Variants in PLIN5 observed in about 807,000 individuals in gnomAD.
PLIN5 encodes perilipin 5, also known as perilipin-5.
A neutral mutation model predicts 32.8 loss-of-function variants in PLIN5; 34 were observed. That is an observed-to-expected ratio of 1.04 (90% CI 0.79 to 1.38). PLIN5 has a LOEUF of 1.38. Among genes scored for constraint, PLIN5 ranks in the 40% most tolerant of loss-of-function variants. The pLI, the probability that PLIN5 is intolerant of heterozygous loss-of-function variation, is 0.00. For missense variants in PLIN5, 712 were observed against 660.5 expected (o/e 1.08, Z -0.85); for synonymous variants, 309 against 292.9 (o/e 1.05, Z -0.56).
chr19:4,530,235 C>T (rs756405410), intron 3 of PLIN5, among the ~76,000 whole-genome samples: 1 of 152,122 alleles, frequency 6.6e-6, no homozygotes, highest in Non-Finnish European at 1.5e-5. Flanking sequence ...GGGTTGGGCA[C>T]TGCCTCCTCT....
intron 2 of PLIN5, among the ~76,000 whole-genome samples, chr19:4,532,029 G>A (rs1368700270): frequency 1.3e-5 from 2 of 152,216 alleles, no homozygotes; most frequent in East Asian, 1.9e-4. Context: ...TTCCCATGGC[G>A]TACACAGAGC....
intron 7 of PLIN5, 59 bp downstream of exon 7, chr19:4,524,904 C>T (rs1976779889): frequency 1.4e-6 from 2 of 1,434,326 alleles, no homozygotes; most frequent in East Asian, 2.7e-5. Flanking sequence ...CGTCGCTCCC[C>T]CTCTTCCTCC....
chr19:4,533,964 T>G (rs1460807366), intron 2 of PLIN5, 51 bp downstream of exon 2: 1 of 1,584,036 alleles, frequency 6.3e-7, no homozygotes, highest in African/African-American at 1.4e-5. Flanking sequence ...TAGAAGGGAC[T>G]GTCCCACACA....
chr19:4,526,378 C>G (rs190078023), intron 5 of PLIN5, among the ~76,000 whole-genome samples: 2 of 152,098 alleles, frequency 1.3e-5, no homozygotes, highest in African/African-American at 4.8e-5. Flanking sequence ...TGCACCACCA[C>G]ACCCGATTAA....
At chr19:4,527,604 C>T (rs914517623) in intron 5 of PLIN5, among the ~76,000 whole-genome samples, 3 of 145,454 alleles carry the variant, frequency 2.1e-5, no homozygotes, top group African/African-American at 2.5e-5. Flanking sequence ...CGCTTGTAAT[C>T]CCAGCACTTT....
chr19:4,526,054 T>G (rs866471287), intron 5 of PLIN5, among the ~76,000 whole-genome samples: 1 of 152,030 alleles, frequency 6.6e-6, no homozygotes, highest in Non-Finnish European at 1.5e-5. Flanking sequence ...ACAGTTCCCC[T>G]TGACTGACAT....
Position 4,523,941 on chromosome 19 carries a change from G to T in PLIN5, c.979C>A (p.Gln327Lys). The T allele has an allele frequency of 6.5e-7, 1 of 1,529,560 alleles. No individual in the cohort carries two copies. Among genetic ancestry groups the T allele is most frequent in the African/African-American group, 1.4e-5 (1 of 71,378 alleles). 94.7% of individuals were successfully genotyped at this position (1,529,560 alleles called of 1,614,324 possible). ...CAGCGGGCATCAGCGAAGGCGGTCT[G>T]CAGGGCATCCACACTGCGCCGCACC... ...AEVRRSVDAL[Q>K]TAFADARCFR... Residue 327 changes from glutamine to lysine, a missense_variant, in exon 8 of 8, where the codon CAG becomes AAG. Physicochemically the swap from Gln to Lys is moderately conservative, Grantham distance 53 (BLOSUM62 1). Transcript: ENST00000381848. The surrounding 1 kb of genome is among the most constrained non-coding windows in gnomAD (Gnocchi z 5.0).
At chr19:4,533,832 C>T (rs1976915544) in intron 2 of PLIN5, 183 bp downstream of exon 2, 3 of 671,778 alleles carry the variant, frequency 4.5e-6, no homozygotes, top group Non-Finnish European at 7.5e-6. Flanking sequence ...ACTCCCCTCC[C>T]AGGGCCTCAT....
intron 5 of PLIN5, among the ~76,000 whole-genome samples, chr19:4,527,364 G>C (rs1002517741): frequency 6.6e-6 from 1 of 151,108 alleles, no homozygotes; most frequent in African/African-American, 2.4e-5. Flanking sequence ...AAGCCACCGC[G>C]CCCGGCCTAA....
chr19:4,534,113 G>C lies in PLIN5; in HGVS notation c.-21-18C>G, dbSNP rs1248277321. On this transcript the variant is annotated intron_variant, in intron 1 of 7. Coordinates refer to ENST00000381848, the MANE Select transcript of PLIN5 (RefSeq NM_001013706.3). Reference sequence around the variant, plus strand: ...GGGTCACCCTGCGGGGCAGGATTGAGTAAGGGGAGCACCTGCCCAGGCATC... The same window carrying C: ...GGGTCACCCTGCGGGGCAGGATTGACTAAGGGGAGCACCTGCCCAGGCATC... The C allele has an allele frequency of 6.3e-7, 1 of 1,594,158 alleles. No individual in the cohort carries two copies. Among genetic ancestry groups the C allele is most frequent in the South Asian group, 1.1e-5 (1 of 88,366 alleles).
In PLIN5 at chr19:4,524,030, G is replaced by A. The variant is rs922414878; in HGVS notation, c.890C>T (p.Thr297Met). 15 of 1,489,662 alleles carry A rather than the reference G, an allele frequency of 1.0e-5. No individual in the cohort carries two copies. The highest frequency in any genetic ancestry group is 2.0e-4 in the Middle Eastern group (1 of 5,084). 92.3% of individuals were successfully genotyped at this position (1,489,662 alleles called of 1,614,324 possible). A position where few individuals can be genotyped will look rare whatever the true frequency, so the allele number is the denominator to read the frequency against. ...CACGCTGGACTCCAGAGCCTCTACCGTGCCCTGCAGCTCCTGGGTCAGGCT... is the reference window on the plus strand; with the variant it reads ...CACGCTGGACTCCAGAGCCTCTACCATGCCCTGCAGCTCCTGGGTCAGGCT... ...SRSLTQELQG[T>M]VEALESSVRG... Residue 297 changes from threonine to methionine, a missense_variant, in exon 8 of 8, where the codon ACG becomes ATG. Transcript: ENST00000381848.
In PLIN5 at chr19:4,524,836, C is replaced by T. The variant is rs1220336989; in HGVS notation, c.834+127G>A. 4 of 654,974 alleles carry T rather than the reference C, an allele frequency of 6.1e-6. No individual in the cohort carries two copies. In the Admixed American group the frequency reaches 1.1e-4, roughly 18 times the overall value. 40.6% of individuals were successfully genotyped at this position (654,974 alleles called of 1,614,324 possible). A position where few individuals can be genotyped will look rare whatever the true frequency, so the allele number is the denominator to read the frequency against. On this transcript the variant is annotated intron_variant, in intron 7 of 7. Coordinates refer to ENST00000381848, the MANE Select transcript of PLIN5 (RefSeq NM_001013706.3). Reference sequence around the variant, plus strand: ...AGACACCTCAACTAGCTGAGCTCAGCACTTGGTTTGAGATAGCTTGAGTTG... The same window carrying T: ...AGACACCTCAACTAGCTGAGCTCAGTACTTGGTTTGAGATAGCTTGAGTTG...
In PLIN5 at chr19:4,529,593, G is replaced by A. The variant is rs546669571; in HGVS notation, c.339+191C>T. On this transcript the variant is annotated intron_variant, in intron 4 of 7. Transcript: ENST00000381848. Reference sequence around the variant, plus strand: ...GTATATATACATATATACACTATACGTATATACATATATGTATACACACAC... The same window carrying A: ...GTATATATACATATATACACTATACATATATACATATATGTATACACACAC... 1.2e-4 allele frequency: 53 copies of A among 456,868 alleles called. No individual in the cohort carries two copies. The Admixed American group carries it at 1.2e-3, about 10-fold the overall frequency. 28.3% of individuals were successfully genotyped at this position (456,868 alleles called of 1,614,324 possible).
At chr19:4,532,107 G>A (rs918264464) in intron 2 of PLIN5, among the ~76,000 whole-genome samples, 1 of 152,134 alleles carries the variant, frequency 6.6e-6, no homozygotes, top group African/African-American at 2.4e-5. Flanking sequence ...GCACCATCTC[G>A]GCTCACGGCA....
intron 3 of PLIN5, among the ~76,000 whole-genome samples, chr19:4,530,918 T>C (rs1352627282): frequency 1.3e-5 from 2 of 152,016 alleles, no homozygotes; most frequent in Non-Finnish European, 2.9e-5. Context: ...AAGTGAGTGA[T>C]CTGCCTGCCT....
intron 7 of PLIN5, 106 bp from the exon 8 acceptor site, chr19:4,524,191 T>C (rs1025577234): frequency 1.7e-5 from 19 of 1,116,746 alleles, no homozygotes; most frequent in Non-Finnish European, 2.3e-5. Flanking sequence ...ACCTGTCTCA[T>C]AGACCTCATA....
Position 4,525,786 on chromosome 19 carries a change from C to T in PLIN5, c.567G>A (p.Glu189=). 6.2e-7 allele frequency: 1 copy of T among 1,613,362 alleles called. No homozygotes were observed. The highest frequency in any genetic ancestry group is 8.5e-7 in the Non-Finnish European group (1 of 1,179,994). Residue 189 remains glutamate (E), a synonymous_variant, in exon 6 of 8, where the codon GAG becomes GAA. Coordinates refer to ENST00000381848, the MANE Select transcript of PLIN5 (RefSeq NM_001013706.3). The surrounding 1 kb of genome is among the most constrained non-coding windows in gnomAD (Gnocchi z 5.6). ...AGTAGCCCTGCTGTCTCCTCTGATC[C>T]TCCACCGAACCCACTTCAGGGCCTT... ...EAEGPEVGSV[E]DQRRQQGYFV...
At chr19:4,530,445 C>A (rs772432832) in intron 3 of PLIN5, among the ~76,000 whole-genome samples, 1 of 152,136 alleles carries the variant, frequency 6.6e-6, no homozygotes, top group Non-Finnish European at 1.5e-5. Flanking sequence ...CCTGTAGTCC[C>A]CCGCCTGTCA....
chr19:4,524,147 C>T (rs895931532), intron 7 of PLIN5, 62 bp from the exon 8 acceptor site: 11 of 1,370,742 alleles, frequency 8.0e-6, no homozygotes, highest in African/African-American at 3.1e-5. Context: ...TGTCCTGCCT[C>T]GGTTTCTCTG....
Sources: allele counts gnomAD v4.1 joint callset (sites outside exome capture counted in the v4.1 genomes callset), GRCh38; gene constraint gnomAD v4.1.1; non-coding constraint Gnocchi (gnomAD v3.1); transcripts MANE v1.5; gene names NCBI Gene and HGNC (gene_info 2026-07-23, HGNC 2026-07-21).